PSMA5: variants seen among roughly 807,000 people sequenced by gnomAD.
PSMA5 encodes the protein proteasome subunit alpha type-5.
In PSMA5, 3 loss-of-function variants were observed where a neutral mutation model predicts 34.5. The observed-to-expected ratio is 0.09, with a 90% CI of 0.04 to 0.22. PSMA5 has a LOEUF of 0.22. Ranked by LOEUF, PSMA5 falls within the 10% of genes least tolerant of loss-of-function variation. The pLI is 1.00. For synonymous variants in PSMA5, 88 were observed against 95.8 expected (o/e 0.92, Z 0.47); for missense variants, 120 against 286.1 (o/e 0.42, Z 4.19).
chr1:109,418,940 A>C (rs934817184), intron 2 of PSMA5, among the ~76,000 whole-genome samples: 22 of 152,212 alleles, frequency 1.4e-4, no homozygotes, highest in African/African-American at 5.3e-4. Context: ...AGATCACCTG[A>C]GGTCAGGAGC....
At chr1:109,402,455 T>C (rs1653571577) in intron 8 of PSMA5, among the ~76,000 whole-genome samples, 2 of 152,316 alleles carry the variant, frequency 1.3e-5, no homozygotes, top group Non-Finnish European at 2.9e-5. Context: ...TGAAGTATAT[T>C]TAAATACTTA....
rs867795606 is a variant in PSMA5 at position 109,401,207 on chromosome 1, T to C, written c.*806A>G. 4 of 152,222 alleles carry C rather than the reference T, an allele frequency of 2.6e-5. No individual in the cohort carries two copies. Among genetic ancestry groups the C allele is most frequent in the African/African-American group, 4.8e-5 (2 of 41,452 alleles). 9.4% of individuals were successfully genotyped at this position (152,222 alleles called of 1,614,324 possible). ...GAATTTTACAATTCTCTTACTGATATAGAGATTTGTAATTGATTGCCAGTG... is the reference window on the plus strand; with the variant it reads ...GAATTTTACAATTCTCTTACTGATACAGAGATTTGTAATTGATTGCCAGTG... On this transcript the variant is annotated 3_prime_UTR_variant, in exon 9 of 9. Transcript: ENST00000271308.
At chr1:109,412,009 T>C (rs1049881128) in intron 5 of PSMA5, 68 bp downstream of exon 5, 80 of 1,581,860 alleles carry the variant, frequency 5.1e-5, no homozygotes, top group Non-Finnish European at 6.9e-5. Context: ...GGGAATGTTA[T>C]GTTCACAGGA....
chr1:109,412,421 A>G (rs1571021350), intron 4 of PSMA5: 2 of 438,184 alleles, frequency 4.6e-6, no homozygotes, highest in African/African-American at 3.9e-5. Flanking sequence ...CTGCCTTGAA[A>G]AAGAGGGTTA....
chr1:109,415,607 A>T (rs980595274), intron 2 of PSMA5, among the ~76,000 whole-genome samples: 5 of 152,204 alleles, frequency 3.3e-5, no homozygotes, highest in Non-Finnish European at 7.3e-5. Context: ...AAATTTTTTT[A>T]AAATTTTTAA....
intron 2 of PSMA5, among the ~76,000 whole-genome samples, chr1:109,419,559 C>G (rs550284130): frequency 6.6e-6 from 1 of 152,070 alleles, no homozygotes; most frequent in Non-Finnish European, 1.5e-5. Context: ...AATCCCAGCA[C>G]TCTGGGAGGC....
intron 1 of PSMA5, 62 bp downstream of exon 1, chr1:109,426,240 G>A: frequency 1.2e-6 from 2 of 1,600,428 alleles, no homozygotes; most frequent in South Asian, 2.2e-5. Context: ...CCCAGGCCGC[G>A]CGGCCAGGTC....
intron 3 of PSMA5, among the ~76,000 whole-genome samples, chr1:109,413,532 G>A (rs1654081587): frequency 1.3e-5 from 2 of 152,180 alleles, no homozygotes; most frequent in South Asian, 4.1e-4. Flanking sequence ...GACTACAGTG[G>A]AGGACTCTCG....
intron 1 of PSMA5, among the ~76,000 whole-genome samples, chr1:109,423,660 G>A (rs192776575): frequency 1.3e-5 from 2 of 152,158 alleles, no homozygotes; most frequent in Admixed American, 6.5e-5. Flanking sequence ...CCCAACATAC[G>A]AAGTTCTAAA....
chr1:109,413,189 C>G (rs1315347745), intron 3 of PSMA5, 54 bp from the exon 4 acceptor site: 1 of 1,530,836 alleles, frequency 6.5e-7, no homozygotes, highest in Non-Finnish European at 9.0e-7. Context: ...AAAACTCTTT[C>G]ATCCACTCAG....
chr1:109,421,905 G>C lies in PSMA5; in HGVS notation c.51C>G (p.Pro17=). 1.3e-6 allele frequency: 2 copies of C among 1,531,616 alleles called. No homozygotes were observed. Among genetic ancestry groups the C allele is most frequent in the Middle Eastern group, 1.7e-4 (1 of 5,888 alleles). The allele number at this position is 1,531,616 out of a possible 1,614,324, so 94.9% of individuals were successfully genotyped here. A position where few individuals can be genotyped will look rare whatever the true frequency, so the allele number is the denominator to read the frequency against. The change falls in exon 2 of 9, where the codon CCC becomes CCG. Residue 17 remains proline (P), a synonymous_variant. Transcript: ENST00000271308. ...ATTCCACTTGAAATAATCTTCCTTC[G>C]GGAGAAAAAGTATTCACGCCCCTAT... ...EYDRGVNTFS[P]EGRLFQVEYA...
At chr1:109,410,799 G>C (rs1439406089) in intron 7 of PSMA5, among the ~76,000 whole-genome samples, 2 of 152,162 alleles carry the variant, frequency 1.3e-5, no homozygotes, top group Non-Finnish European at 2.9e-5. Flanking sequence ...AACTAATGGA[G>C]AGTGGTAAAC....
intron 8 of PSMA5, among the ~76,000 whole-genome samples, chr1:109,403,461 C>A (rs1195394561): frequency 4.9e-5 from 7 of 142,444 alleles, no homozygotes; most frequent in Admixed American, 1.4e-4. Flanking sequence ...CCGTGTCTAC[C>A]AAAAAAAAAA....
intron 1 of PSMA5, among the ~76,000 whole-genome samples, chr1:109,422,708 T>G (rs1024766350): frequency 6.6e-6 from 1 of 152,182 alleles, no homozygotes; most frequent in Non-Finnish European, 1.5e-5. Flanking sequence ...CCTGACCTCG[T>G]GATCCACCCG....
At position 109,412,059 on chromosome 1, in the gene PSMA5, CAGA is replaced by C; in HGVS notation, c.399+15_399+17del. 1 of 1,608,600 alleles carries C rather than the reference CAGA, an allele frequency of 6.2e-7. No homozygotes were observed. The highest frequency in any genetic ancestry group is 1.3e-5 in the African/African-American group (1 of 74,910). On this transcript the variant is annotated intron_variant, in intron 5 of 8. Coordinates refer to ENST00000271308, the MANE Select transcript of PSMA5 (RefSeq NM_002790.4). ...CCCATAGAACAATAAGAAAACTCGACAGAAGTATCACACTCACCATGGCACCTG... is the reference window on the plus strand; with the variant it reads ...CCCATAGAACAATAAGAAAACTCGACAGTATCACACTCACCATGGCACCTG...
Position 109,412,125 on chromosome 1 carries a change from G to C in PSMA5, c.351C>G (p.Ser117=), listed in dbSNP as rs1442561153. The C allele has an allele frequency of 1.2e-5, 19 of 1,614,052 alleles. No individual in the cohort carries two copies. In the East Asian group the frequency reaches 4.0e-4, roughly 34 times the overall value. ...MTVESVTQAV[S]NLALQFGEED... is the part of the protein sequence containing the mutation. Reference sequence around the variant, plus strand: ...CTTCTCCAAACTGCAAAGCCAGATTGGACACAGCTTGGGTCACACTCTCCA... The same window carrying C: ...CTTCTCCAAACTGCAAAGCCAGATTCGACACAGCTTGGGTCACACTCTCCA... The change falls in exon 5 of 9, where the codon TCC becomes TCG. Residue 117 remains serine, a synonymous_variant. Coordinates refer to ENST00000271308, the MANE Select transcript of PSMA5 (RefSeq NM_002790.4).
At chr1:109,403,061 GA>G (rs1477177706) in intron 8 of PSMA5, among the ~76,000 whole-genome samples, 1 of 152,096 alleles carries the variant, frequency 6.6e-6, no homozygotes, top group Non-Finnish European at 1.5e-5. Context: ...ACTGGCATAG[GA>G]AACCAGTTGT....
chr1:109,413,039 T>A, intron 4 of PSMA5, 29 bp downstream of exon 4: 1 of 1,588,798 alleles, frequency 6.3e-7, no homozygotes, highest in Non-Finnish European at 8.6e-7. Context: ...TCAAGCATCC[T>A]GGTAAAAAGG....
chr1:109,419,624 G>A (rs748148492), intron 2 of PSMA5, among the ~76,000 whole-genome samples: 5 of 151,972 alleles, frequency 3.3e-5, no homozygotes, highest in African/African-American at 9.7e-5. Flanking sequence ...CCGATATGGT[G>A]AAACACCATC....
Sources: gnomAD v4.1 joint callset for allele counts (sites outside exome capture counted in the v4.1 genomes callset) on GRCh38, gnomAD v4.1.1 for gene constraint, MANE v1.5 for transcripts, NCBI Gene and HGNC (gene_info 2026-07-23, HGNC 2026-07-21) for gene names.